MAP7: variants seen among roughly 807,000 people sequenced by gnomAD.
The protein encoded by MAP7 is microtubule associated protein 7, also known as ensconsin.
Under a neutral mutation model 94.8 loss-of-function variants are expected in MAP7, and 52 were observed. That is an observed-to-expected ratio of 0.55 (90% CI 0.44 to 0.69). MAP7 has a LOEUF of 0.69. Ranked by LOEUF, MAP7 falls within the 30% of genes least tolerant of loss-of-function variation. MAP7 has a pLI of 0.00. For synonymous variants in MAP7, 350 were observed against 357.0 expected, an observed-to-expected ratio of 0.98 and a Z score of 0.22; for missense variants, 940 against 964.6, an observed-to-expected ratio of 0.97 and a Z score of 0.34.
chr6:136,525,214 A>G (rs1827484346), intron 1 of MAP7, among the ~76,000 whole-genome samples: 1 of 152,182 alleles, frequency 6.6e-6, no homozygotes, highest in Non-Finnish European at 1.5e-5. Context: ...GTGCATTTCA[A>G]CTGCCATACA....
Position 136,396,909 on chromosome 6 carries a change from AT to A in MAP7, c.245-7393del, listed in dbSNP as rs200040939. Among the ~76,000 whole-genome samples, 1,150 of 152,328 alleles carry A rather than the reference AT, an allele frequency of 7.5e-3. 20 individuals are homozygous for A. Among genetic ancestry groups the A allele is most frequent in the East Asian group, 0.039 (201 of 5,190 alleles). On this transcript the variant is annotated intron_variant, in intron 3 of 17. Coordinates refer to ENST00000354570, the MANE Select transcript of MAP7 (RefSeq NM_003980.6). Reference sequence around the variant, plus strand: ...AATCATTATAATTTCAGTTTAGAAAATTAAAGGTAGTTCTTAAGGTTGTGCT... The same window carrying A: ...AATCATTATAATTTCAGTTTAGAAAATAAAGGTAGTTCTTAAGGTTGTGCT...
At chr6:136,376,104 G>GTT (rs1036810921) in intron 7 of MAP7, among the ~76,000 whole-genome samples, 87 of 146,456 alleles carry the variant, frequency 5.9e-4, no homozygotes, top group African/African-American at 2.1e-3. Context: ...CTGAAAAGCG[G>GTT]TTTTTTTTTT....
intron 1 of MAP7, among the ~76,000 whole-genome samples, chr6:136,442,287 C>T (rs1798089865): frequency 6.6e-6 from 1 of 151,100 alleles, no homozygotes; most frequent in Non-Finnish European, 1.5e-5. Context: ...TGCCTGTAAC[C>T]CCAGCTACCG....
At chr6:136,529,648 T>C (rs192306854) in intron 1 of MAP7, among the ~76,000 whole-genome samples, 44 of 152,380 alleles carry the variant, frequency 2.9e-4, no homozygotes, top group African/African-American at 9.9e-4. Context: ...AGGCACTGCC[T>C]AGTGCAAAAT....
At chr6:136,477,011 G>C (rs1396635590) in intron 1 of MAP7, among the ~76,000 whole-genome samples, 2 of 152,144 alleles carry the variant, frequency 1.3e-5, no homozygotes, top group African/African-American at 4.8e-5. Context: ...AATCACTGAG[G>C]CTAAAGTTAA....
intron 1 of MAP7, among the ~76,000 whole-genome samples, chr6:136,511,501 G>C (rs1156615208): frequency 7.3e-6 from 1 of 137,600 alleles, no homozygotes; most frequent in Non-Finnish European, 1.5e-5. Context: ...TAAAAAAAAA[G>C]GCAGTGCAGA....
In MAP7 at chr6:136,456,843, A is replaced by G. The variant is rs1271139753; in HGVS notation, c.68-35044T>C. On this transcript the variant is annotated intron_variant, in intron 1 of 17. Coordinates refer to ENST00000354570, the MANE Select transcript of MAP7 (RefSeq NM_003980.6). ...AGAAGGAAGAAGAAGAAGAAGAAGA[A>G]GAAGAGGAAGAAGAAGAAGAAGAAG... Among the ~76,000 whole-genome samples, 12 of 128,088 alleles carry G rather than the reference A, an allele frequency of 9.4e-5. No individual in the cohort carries two copies. In the East Asian group the frequency reaches 1.3e-3, roughly 14 times the overall value. 84.0% of individuals were successfully genotyped at this position (128,088 alleles called of 152,430 possible). A position where few individuals can be genotyped will look rare whatever the true frequency, so the allele number is the denominator to read the frequency against.
At chr6:136,374,814 A>T (rs1408329889) in intron 7 of MAP7, among the ~76,000 whole-genome samples, 1 of 152,224 alleles carries the variant, frequency 6.6e-6, no homozygotes, top group Non-Finnish European at 1.5e-5. Context: ...TCTTGTAAGG[A>T]TATTAGATTT....
chr6:136,490,133 T>A (rs1187376356), intron 1 of MAP7, among the ~76,000 whole-genome samples: 4 of 152,146 alleles, frequency 2.6e-5, no homozygotes, highest in African/African-American at 9.7e-5. Flanking sequence ...AACCCTGTGG[T>A]TATTATTAAG....
chr6:136,454,525 T>C (rs565592307), intron 1 of MAP7, among the ~76,000 whole-genome samples: 1 of 152,072 alleles, frequency 6.6e-6, no homozygotes, highest in East Asian at 2.0e-4. Context: ...CTCAAACTCC[T>C]GGGCTCAAGC....
chr6:136,464,491 T>C (rs1263503227), intron 1 of MAP7, among the ~76,000 whole-genome samples: 2 of 152,234 alleles, frequency 1.3e-5, no homozygotes, highest in Non-Finnish European at 2.9e-5. Context: ...TTACTGTGCC[T>C]AATTTATAAA....
intron 1 of MAP7, among the ~76,000 whole-genome samples, chr6:136,497,012 G>A (rs1474353006): frequency 6.6e-6 from 1 of 151,758 alleles, no homozygotes; most frequent in Non-Finnish European, 1.5e-5. Context: ...AACCTATAAC[G>A]TAAAGTACTG....
chr6:136,518,626 G>A (rs939498537), intron 1 of MAP7, among the ~76,000 whole-genome samples: 6 of 152,100 alleles, frequency 3.9e-5, no homozygotes, highest in Non-Finnish European at 8.8e-5. Context: ...GAATTAAGAT[G>A]GAGTCTCTCA....
At chr6:136,421,311 T>C (rs1416234808) in intron 2 of MAP7, among the ~76,000 whole-genome samples, 1 of 152,256 alleles carries the variant, frequency 6.6e-6, no homozygotes, top group African/African-American at 2.4e-5. Context: ...TAATGCTTGT[T>C]GGACATACAG....
chr6:136,542,125 C>T (rs1263516745), intron 1 of MAP7, among the ~76,000 whole-genome samples: 1 of 152,094 alleles, frequency 6.6e-6, no homozygotes, highest in Non-Finnish European at 1.5e-5. Context: ...TCTTTTTCAA[C>T]AGGCTATTTC....
At chr6:136,526,414 C>A in intron 1 of MAP7, 6 of 988,580 alleles carry the variant, frequency 6.1e-6, no homozygotes, top group Non-Finnish European at 7.2e-6. Context: ...TTCCAATCTT[C>A]TTCCTGCTAC....
intron 8 of MAP7, among the ~76,000 whole-genome samples, chr6:136,370,267 C>T (rs1161666046): frequency 2.0e-5 from 3 of 152,148 alleles, no homozygotes; most frequent in Admixed American, 6.5e-5. Flanking sequence ...AACAAGATCA[C>T]GATTGTTGGC....
At chr6:136,394,421 G>A in intron 3 of MAP7, among the ~76,000 whole-genome samples, 1 of 150,616 alleles carries the variant, frequency 6.6e-6, no homozygotes, top group Non-Finnish European at 1.5e-5. Flanking sequence ...CTATTGATAG[G>A]TTTAATTTTT....
Position 136,344,126 on chromosome 6 carries a change from TAGAA to T in MAP7, c.*98_*101del. 1 of 486,418 alleles carries T rather than the reference TAGAA, an allele frequency of 2.1e-6. No individual in the cohort carries two copies. The highest frequency in any genetic ancestry group is 3.5e-6 in the Non-Finnish European group (1 of 287,432). The allele number at this position is 486,418 out of a possible 1,614,324, so 30.1% of individuals were successfully genotyped here. Reference sequence around the variant, plus strand: ...TTTTCAAAATGATGGTCAAGAACTCTAGAAAACGGGTGGAGGGGATGCTCCTTTA... The same window carrying T: ...TTTTCAAAATGATGGTCAAGAACTCTAACGGGTGGAGGGGATGCTCCTTTA... On this transcript the variant is annotated 3_prime_UTR_variant, in exon 18 of 18. Coordinates refer to ENST00000354570, the MANE Select transcript of MAP7 (RefSeq NM_003980.6).
Sources: gnomAD v4.1 joint callset for allele counts (sites outside exome capture counted in the v4.1 genomes callset) on GRCh38, gnomAD v4.1.1 for gene constraint, MANE v1.5 for transcripts, NCBI Gene and HGNC (gene_info 2026-07-23, HGNC 2026-07-21) for gene names.